Variants in CENPP observed in about 807,000 individuals in gnomAD.
CENPP encodes the protein centromere protein P.
A neutral mutation model predicts 35.6 loss-of-function variants in CENPP; 24 were observed. That is an observed-to-expected ratio of 0.67 (90% confidence interval 0.49 to 0.95). CENPP has a LOEUF of 0.95. Among genes scored for constraint, CENPP ranks in the 40% least tolerant of loss-of-function variants. CENPP has a pLI of 0.00. For missense variants in CENPP, 332 were observed against 345.3 expected (o/e 0.96, Z 0.31); for synonymous variants, 120 against 125.5 (o/e 0.96, Z 0.29).
rs1851336528 is a variant in CENPP, at chr9:92,613,529, C to G, written c.*380C>G. The G allele has an allele frequency of 4.4e-6, 1 of 226,858 alleles. No homozygotes were observed. Among genetic ancestry groups the G allele is most frequent in the Non-Finnish European group, 8.9e-6 (1 of 112,410 alleles). The allele number at this position is 226,858 out of a possible 1,614,324, so 14.1% of individuals were successfully genotyped here. On this transcript the variant is annotated 3_prime_UTR_variant, in exon 8 of 8. Coordinates refer to ENST00000375587, the MANE Select transcript of CENPP (RefSeq NM_001012267.3). ...GGGAGAAGCCACCCTTATCCTGGTT[C>G]CTGCCTCCTGGGGGCTCTGGAGACG...
At chr9:92,480,138 A>G (rs368173888) in intron 5 of CENPP, among the ~76,000 whole-genome samples, 11 of 152,316 alleles carry the variant, frequency 7.2e-5, no homozygotes, top group African/African-American at 2.6e-4. Flanking sequence ...CTTCTCAGGA[A>G]TACTCAATAT....
chr9:92,511,138 T>C (rs1374365135), intron 5 of CENPP, among the ~76,000 whole-genome samples: 1 of 152,216 alleles, frequency 6.6e-6, no homozygotes, highest in Non-Finnish European at 1.5e-5. Context: ...CTCCTTTTTG[T>C]TGTTTGAGAC....
At chr9:92,541,832 C>T (rs1176541451) in intron 5 of CENPP, among the ~76,000 whole-genome samples, 2 of 152,008 alleles carry the variant, frequency 1.3e-5, no homozygotes, top group African/African-American at 4.8e-5. Flanking sequence ...CTTGCTCTGT[C>T]ACCCAGGCTA....
intron 5 of CENPP, among the ~76,000 whole-genome samples, chr9:92,511,720 T>C (rs1186558878): frequency 6.6e-6 from 1 of 152,168 alleles, no homozygotes; most frequent in Non-Finnish European, 1.5e-5. Flanking sequence ...AAAGACCAGA[T>C]TTTAGCATGT....
chr9:92,412,111 G>A (rs577635469), intron 5 of CENPP, among the ~76,000 whole-genome samples: 10 of 151,112 alleles, frequency 6.6e-5, no homozygotes, highest in East Asian at 1.9e-4. Context: ...TTTTAGAGAC[G>A]GGGTCTCACT....
chr9:92,445,221 G>C (rs1384926351), intron 5 of CENPP, among the ~76,000 whole-genome samples: 1 of 152,060 alleles, frequency 6.6e-6, no homozygotes, highest in Non-Finnish European at 1.5e-5. Context: ...GGTGAGAGTG[G>C]GTTTCTCCTT....
intron 5 of CENPP, among the ~76,000 whole-genome samples, chr9:92,406,657 G>A (rs1843317297): frequency 6.6e-6 from 1 of 152,152 alleles, no homozygotes; most frequent in African/African-American, 2.4e-5. Flanking sequence ...CCTCACTTCA[G>A]GGGTTGAGTA....
chr9:92,583,474 C>T (rs1258228633), intron 5 of CENPP, among the ~76,000 whole-genome samples: 3 of 152,182 alleles, frequency 2.0e-5, no homozygotes, highest in African/African-American at 7.2e-5. Context: ...TCACTTATAG[C>T]ATATTTGTAA....
chr9:92,498,534 T>C (rs937568160), intron 5 of CENPP, among the ~76,000 whole-genome samples: 48 of 152,056 alleles, frequency 3.2e-4, no homozygotes, highest in Admixed American at 1.4e-3. Flanking sequence ...ACTTTGGAAT[T>C]AAAAATATTT....
chr9:92,439,971 G>T (rs578005213), intron 5 of CENPP, among the ~76,000 whole-genome samples: 1 of 152,260 alleles, frequency 6.6e-6, no homozygotes, highest in East Asian at 1.9e-4. Context: ...TCCCCCATTT[G>T]AGTTACCCAT....
chr9:92,515,599 G>A (rs1371887062), intron 5 of CENPP, among the ~76,000 whole-genome samples: 1 of 152,188 alleles, frequency 6.6e-6, no homozygotes, highest in East Asian at 1.9e-4. Context: ...TGTTCACTGG[G>A]GCTATTGCTA....
At chr9:92,533,328 A>AAAAAAAAAATATATAT (rs1554683138) in intron 5 of CENPP, among the ~76,000 whole-genome samples, 2 of 38,332 alleles carry the variant, frequency 5.2e-5, no homozygotes, top group Non-Finnish European at 8.5e-5. Flanking sequence ...AAAAAAAAAA[A>AAAAAAAAAATATATAT]ATATATATAT....
chr9:92,510,029 C>T, intron 5 of CENPP: 2 of 1,590,866 alleles, frequency 1.3e-6, no homozygotes, highest in African/African-American at 2.7e-5. Flanking sequence ...TTAACTTCTT[C>T]AGAAGCTTAA....
intron 5 of CENPP, among the ~76,000 whole-genome samples, chr9:92,385,998 T>C (rs532694213): frequency 1.3e-5 from 2 of 152,330 alleles, no homozygotes; most frequent in East Asian, 3.9e-4. Context: ...GGTCTACTTG[T>C]TATGCTCTGG....
At chr9:92,393,307 GT>G in intron 5 of CENPP, 1 of 1,292,126 alleles carries the variant, frequency 7.7e-7, no homozygotes, top group Non-Finnish European at 1.1e-6. Flanking sequence ...TCCTCTAGTA[GT>G]AAAATTATTG....
chr9:92,514,863 A>ATCCTCC, intron 5 of CENPP: 1 of 1,608,214 alleles, frequency 6.2e-7, no homozygotes, highest in Non-Finnish European at 8.5e-7. Flanking sequence ...CCTCCTCCTC[A>ATCCTCC]TCCTCCTCCT....
chr9:92,503,513 T>C (rs2131161858), intron 5 of CENPP, among the ~76,000 whole-genome samples: 1 of 152,374 alleles, frequency 6.6e-6, no homozygotes. Flanking sequence ...CAGCCTTAAT[T>C]TACAACCAAG....
At position 92,430,779 on chromosome 9, in the gene CENPP, T is replaced by C. The variant is rs111346134; in HGVS notation, c.564+50920T>C. Among the ~76,000 whole-genome samples the C allele has an allele frequency of 5.1e-3, 772 of 152,132 alleles. 2 individuals carry two copies. The highest frequency in any genetic ancestry group is 7.8e-3 in the Non-Finnish European group (529 of 67,970). On this transcript the variant is annotated intron_variant, in intron 5 of 7. Coordinates refer to ENST00000375587, the MANE Select transcript of CENPP (RefSeq NM_001012267.3). ...AGGACTATTATGGTTTCTTTTGTTG[T>C]TGTTGTTGTTGTTTTGTTTTTATTT...
intron 5 of CENPP, among the ~76,000 whole-genome samples, chr9:92,404,097 C>A (rs1322710754): frequency 2.0e-5 from 3 of 151,988 alleles, no homozygotes; most frequent in Non-Finnish European, 2.9e-5. Flanking sequence ...AGAGGAAATA[C>A]CGAACTTTAA....
Sources: allele counts gnomAD v4.1 joint callset (sites outside exome capture counted in the v4.1 genomes callset), GRCh38; gene constraint gnomAD v4.1.1; transcripts MANE v1.5; gene names NCBI Gene and HGNC (gene_info 2026-07-23, HGNC 2026-07-21).